Variants in NUDC observed in about 807,000 individuals in gnomAD.
NUDC encodes nuclear distribution C, dynein complex regulator, also known as nuclear migration protein nudC.
NUDC carries 14 observed loss-of-function variants against 45.0 expected under a neutral mutation model. The ratio of observed to expected loss-of-function variants is 0.31; its 90% CI spans 0.21 to 0.49. NUDC has a LOEUF of 0.49. Among genes scored for constraint, NUDC ranks in the 20% least tolerant of loss-of-function variants. The pLI, the probability that NUDC is intolerant of heterozygous loss-of-function variation, is 0.99. For missense variants in NUDC, 323 were observed against 426.2 expected, an observed-to-expected ratio of 0.76 and a Z score of 2.13; for synonymous variants, 153 against 156.7, an observed-to-expected ratio of 0.98 and a Z score of 0.17.
chr1:26,933,086 C>G (rs1453919306), intron 2 of NUDC, among the ~76,000 whole-genome samples: 7 of 152,100 alleles, frequency 4.6e-5, no homozygotes, highest in Non-Finnish European at 4.4e-5. Context: ...CAGGCACACG[C>G]CACCACGCCC....
At chr1:26,914,836 A>C (rs112256582) in intron 3 of NUDC, among the ~76,000 whole-genome samples, 2 of 151,898 alleles carry the variant, frequency 1.3e-5, no homozygotes, top group African/African-American at 4.8e-5. Flanking sequence ...GCATGGTGGC[A>C]TGTGCCTGTA....
At chr1:26,921,572 C>T (rs950481740), upstream of NUDC, among the ~76,000 whole-genome samples, 21 of 152,356 alleles carry the variant, frequency 1.4e-4, no homozygotes, top group Middle Eastern at 3.4e-3. Context: ...CCCACGGCTC[C>T]GCCTACCGCT....
At chr1:26,935,626 CAT>C (rs201975210) in intron 2 of NUDC, among the ~76,000 whole-genome samples, 3,131 of 152,076 alleles carry the variant, frequency 0.021, 42 homozygotes, top group Non-Finnish European at 0.032. Flanking sequence ...CTTCCCATGA[CAT>C]GTGGGGATTA....
intron 2 of NUDC, among the ~76,000 whole-genome samples, chr1:26,937,266 A>G (rs1003085941): frequency 1.2e-4 from 18 of 152,162 alleles, no homozygotes; most frequent in African/African-American, 4.1e-4. Flanking sequence ...CCCATTGTTT[A>G]GGGGGGTTTT....
At chr1:26,927,046 C>G (rs1039410732) in intron 2 of NUDC, among the ~76,000 whole-genome samples, 1 of 152,044 alleles carries the variant, frequency 6.6e-6, no homozygotes, top group East Asian at 1.9e-4. Flanking sequence ...AAAAAACAAG[C>G]AGTGAAAAAG....
intron 2 of NUDC, among the ~76,000 whole-genome samples, chr1:26,940,476 CA>C (rs56232013): frequency 5.2e-5 from 7 of 133,490 alleles, no homozygotes; most frequent in East Asian, 2.3e-4. Context: ...AACTCCATCT[CA>C]AAAAAAAAAA....
At chr1:26,904,752 C>A (rs2081995219) in intron 2 of NUDC, among the ~76,000 whole-genome samples, 1 of 152,190 alleles carries the variant, frequency 6.6e-6, no homozygotes, top group African/African-American at 2.4e-5. Context: ...AGATCACCTC[C>A]AACCCCCCTT....
upstream of NUDC, chr1:26,921,579 C>G (rs908876209): frequency 1.3e-5 from 7 of 557,228 alleles, no homozygotes; most frequent in East Asian, 3.1e-5. Context: ...CTCCGCCTAC[C>G]GCTTCGTGGA....
At chr1:26,936,954 A>C (rs2082239655) in intron 2 of NUDC, among the ~76,000 whole-genome samples, 2 of 152,200 alleles carry the variant, frequency 1.3e-5, no homozygotes. Flanking sequence ...CCCATAAGAC[A>C]GTGCCCACTT....
intron 2 of NUDC, among the ~76,000 whole-genome samples, chr1:26,926,236 G>A (rs1453995129): frequency 3.9e-5 from 6 of 152,160 alleles, no homozygotes; most frequent in African/African-American, 1.4e-4. Flanking sequence ...AGACGTAGAC[G>A]TTCTTTGCAA....
chr1:26,931,408 A>T (rs2082182764), intron 2 of NUDC, among the ~76,000 whole-genome samples: 3 of 109,850 alleles, frequency 2.7e-5, no homozygotes, highest in East Asian at 2.9e-4. Flanking sequence ...TTTGAGGTAG[A>T]GTCTCGCTTT....
At chr1:26,933,170 G>A (rs1437786809) in intron 2 of NUDC, among the ~76,000 whole-genome samples, 2 of 151,790 alleles carry the variant, frequency 1.3e-5, no homozygotes, top group African/African-American at 4.8e-5. Flanking sequence ...TCCTGACTTC[G>A]TGATCTGCCT....
At chr1:26,925,538 CAAAAA>C (rs71010305) in intron 2 of NUDC, among the ~76,000 whole-genome samples, 1 of 43,360 alleles carries the variant, frequency 2.3e-5, no homozygotes, top group Non-Finnish European at 4.7e-5. Context: ...GACTCCGTCT[CAAAAA>C]AAAAAAAAAA....
rs1488040462 is a variant in NUDC, at chr1:26,929,111, A to G, written c.159+4945A>G. ...GGAAAGAAATCCTGTCCATTGCTAC[A>G]TGGATGTACCTTGGAGGACATCATG... On this transcript the variant is annotated intron_variant, in intron 2 of 8. Transcript: ENST00000321265. Among the ~76,000 whole-genome samples the G allele has an allele frequency of 3.9e-5, 6 of 152,224 alleles. No homozygotes were observed. The South Asian group carries it at 6.2e-4, about 16-fold the overall frequency.
At position 26,946,552 on chromosome 1, in the gene NUDC, A is replaced by C. The variant is rs932323739; in HGVS notation, c.*371A>C. On this transcript the variant is annotated 3_prime_UTR_variant, in exon 9 of 9. Transcript: ENST00000321265. ...CTGGGCCTCAGTTTCTCATTACTTA[A>C]AGATTAAAACAAGGCTTGGCCGGGT... 1 of 334,798 alleles carries C rather than the reference A, an allele frequency of 3.0e-6. No homozygotes were observed. The highest frequency in any genetic ancestry group is 7.6e-5 in the East Asian group (1 of 13,224). The allele number at this position is 334,798 out of a possible 1,614,324, so 20.7% of individuals were successfully genotyped here.
chr1:26,942,987 G>A lies in NUDC; in HGVS notation c.663G>A (p.Glu221=). The change falls in exon 6 of 9, where the codon GAG becomes GAA. Residue 221 remains glutamate (E), a synonymous_variant. Transcript: ENST00000321265. ...GGCAGCCAGCGATCATTGATGGGGAGCTCTACAATGAAGTGAAGGTGGAGG... is the reference window on the plus strand; with the variant it reads ...GGCAGCCAGCGATCATTGATGGGGAACTCTACAATGAAGTGAAGGTGGAGG... ...LKGQPAIIDG[E]LYNEVKVEES... 6.2e-7 allele frequency: 1 copy of A among 1,614,188 alleles called. No individual in the cohort carries two copies. The highest frequency in any genetic ancestry group is 1.1e-5 in the South Asian group (1 of 91,076).
Position 26,921,823 on chromosome 1 carries a change from C to G in NUDC, c.-26C>G, listed in dbSNP as rs1165988044. ...GAGCGCGGGACTAGAGTGCAGAGCT[C>G]CGGGACGTGGATCGGAGCCGGCGCG... On this transcript the variant is annotated 5_prime_UTR_variant, in exon 1 of 9. Coordinates refer to ENST00000321265, the MANE Select transcript of NUDC (RefSeq NM_006600.4). 2.6e-6 allele frequency: 4 copies of G among 1,549,404 alleles called. No individual in the cohort carries two copies. The highest frequency in any genetic ancestry group is 1.4e-5 in the African/African-American group (1 of 73,160).
chr1:26,918,084 T>C (rs1018696867), upstream of NUDC, among the ~76,000 whole-genome samples: 1 of 152,078 alleles, frequency 6.6e-6, no homozygotes, highest in Admixed American at 6.6e-5. Context: ...GCTCATATCA[T>C]GGGGTTCATT....
chr1:26,910,427 G>C (rs2082020662), intron 2 of NUDC, among the ~76,000 whole-genome samples: 1 of 152,178 alleles, frequency 6.6e-6, no homozygotes, highest in African/African-American at 2.4e-5. Context: ...GGTTCCCCTT[G>C]CTCCTGGCAC....
Sources: allele counts gnomAD v4.1 joint callset (sites outside exome capture counted in the v4.1 genomes callset), GRCh38; gene constraint gnomAD v4.1.1; transcripts MANE v1.5; gene names NCBI Gene and HGNC (gene_info 2026-07-23, HGNC 2026-07-21).